TACC1: variants seen among roughly 807,000 people sequenced by gnomAD.
TACC1 encodes the protein transforming acidic coiled-coil containing protein 1.
In TACC1, 48 loss-of-function variants were observed where a neutral mutation model predicts 84.4. The ratio of observed to expected loss-of-function variants is 0.57; its 90% confidence interval spans 0.45 to 0.72. The LOEUF (loss-of-function observed/expected upper bound fraction) is 0.72. Among genes scored for constraint, TACC1 ranks in the 30% least tolerant of loss-of-function variants. TACC1 has a pLI of 0.00. For missense variants in TACC1, 920 were observed against 973.0 expected (o/e 0.95, Z 0.72); for synonymous variants, 372 against 376.3 (o/e 0.99, Z 0.13).
intron 2 of TACC1, chr8:38,742,574 T>C: frequency 2.8e-6 from 2 of 719,816 alleles, no homozygotes; most frequent in South Asian, 2.4e-5. Flanking sequence ...ATGAAGGAAA[T>C]AATGATCGAG....
intron 2 of TACC1, among the ~76,000 whole-genome samples, chr8:38,807,138 A>G (rs1822950377): frequency 6.6e-6 from 1 of 152,160 alleles, no homozygotes; most frequent in African/African-American, 2.4e-5. Context: ...TGCACATCTA[A>G]GCGTTTGCCA....
intron 2 of TACC1, among the ~76,000 whole-genome samples, chr8:38,818,688 C>G (rs1276419416): frequency 6.6e-6 from 1 of 151,514 alleles, no homozygotes; most frequent in African/African-American, 2.4e-5. Context: ...GTTTTTAGGT[C>G]TACAGAGAGA....
At chr8:38,734,837 C>G (rs1215261973) in intron 1 of TACC1, among the ~76,000 whole-genome samples, 3 of 152,368 alleles carry the variant, frequency 2.0e-5, no homozygotes, top group Admixed American at 6.5e-5. Flanking sequence ...GGCCTGCTGA[C>G]GCAGGCTGGC....
chr8:38,813,884 T>C (rs1824821648), intron 2 of TACC1, among the ~76,000 whole-genome samples: 1 of 152,192 alleles, frequency 6.6e-6, no homozygotes, highest in South Asian at 2.1e-4. Flanking sequence ...CAAATATGTA[T>C]ACATCATTGA....
intron 2 of TACC1, among the ~76,000 whole-genome samples, chr8:38,793,733 C>T (rs1819313310): frequency 6.6e-6 from 1 of 152,098 alleles, no homozygotes; most frequent in Non-Finnish European, 1.5e-5. Context: ...AGGTTTGAAC[C>T]ACCACTGTCA....
chr8:38,842,173 C>T (rs972259165), intron 9 of TACC1, 114 bp from the exon 10 acceptor site: 58 of 1,210,952 alleles, frequency 4.8e-5, no homozygotes, highest in East Asian at 3.3e-4. Flanking sequence ...GCCATAAGAG[C>T]GGGAATTTGG....
intron 3 of TACC1, among the ~76,000 whole-genome samples, chr8:38,762,703 T>C (rs185274615): frequency 8.0e-4 from 122 of 152,216 alleles, no homozygotes; most frequent in Non-Finnish European, 1.5e-3. Flanking sequence ...ATTACAGGCA[T>C]GCGTCACCAG....
chr8:38,789,611 G>A (rs1818173714), intron 2 of TACC1, among the ~76,000 whole-genome samples: 1 of 152,224 alleles, frequency 6.6e-6, no homozygotes, highest in South Asian at 2.1e-4. Context: ...TAGGGAATAT[G>A]GAGTGGGGAT....
intron 5 of TACC1, among the ~76,000 whole-genome samples, chr8:38,829,737 C>T (rs1189330105): frequency 6.6e-6 from 1 of 152,186 alleles, no homozygotes; most frequent in Non-Finnish European, 1.5e-5. Flanking sequence ...AGAGCTGGGG[C>T]CCTGTACATA....
intron 3 of TACC1, among the ~76,000 whole-genome samples, chr8:38,778,412 G>A (rs1413311336): frequency 6.6e-6 from 1 of 152,060 alleles, no homozygotes. Flanking sequence ...AAATATTTTT[G>A]TTTCCTCTAA....
At position 38,744,445 on chromosome 8, in the gene TACC1, G is replaced by A. The variant is rs534641533; in HGVS notation, c.-573-450G>A. ...ACTTCTATTTACATCCCATTGACTA[G>A]AACCTAGTTACTTGGCCAAACTTAG... On this transcript the variant is annotated intron_variant, in intron 2 of 14. Coordinates refer to the TACC1 transcript ENST00000518415. Among the ~76,000 whole-genome samples, 6 of 152,256 alleles carry A rather than the reference G, an allele frequency of 3.9e-5. No homozygotes were observed. The East Asian group carries it at 1.2e-3, about 29-fold the overall frequency.
chr8:38,781,597 T>C (rs1816004063), intron 3 of TACC1, among the ~76,000 whole-genome samples: 2 of 152,106 alleles, frequency 1.3e-5, no homozygotes, highest in Non-Finnish European at 1.5e-5. Flanking sequence ...GCCAGGCTGG[T>C]CTCGAACTCC....
intron 11 of TACC1, 44 bp from the exon 12 acceptor site, chr8:38,846,655 C>T: frequency 6.2e-7 from 1 of 1,610,560 alleles, no homozygotes; most frequent in Non-Finnish European, 8.5e-7. Context: ...AGTGGCTAAT[C>T]ATGTGCTTTT....
At chr8:38,808,514 G>C (rs1823293077) in intron 2 of TACC1, among the ~76,000 whole-genome samples, 1 of 152,228 alleles carries the variant, frequency 6.6e-6, no homozygotes, top group Non-Finnish European at 1.5e-5. Context: ...CTGGACTCAA[G>C]TGGTCCTCCC....
intron 2 of TACC1, among the ~76,000 whole-genome samples, chr8:38,805,016 A>G (rs970410261): frequency 1.3e-5 from 2 of 152,218 alleles, no homozygotes; most frequent in Admixed American, 6.5e-5. Context: ...CTATTTCCCT[A>G]TTTCTTGAGA....
intron 6 of TACC1, among the ~76,000 whole-genome samples, chr8:38,832,291 A>G (rs1266485433): frequency 6.6e-6 from 1 of 152,266 alleles, no homozygotes; most frequent in African/African-American, 2.4e-5. Flanking sequence ...GTTAGAATAC[A>G]CTGGTGTGGT....
chr8:38,809,161 A>G (rs1823471169), intron 2 of TACC1, among the ~76,000 whole-genome samples: 1 of 152,072 alleles, frequency 6.6e-6, no homozygotes, highest in South Asian at 2.1e-4. Context: ...TTTACAATGT[A>G]GCAGATAAGG....
intron 2 of TACC1, among the ~76,000 whole-genome samples, chr8:38,807,089 G>T (rs547922332): frequency 1.3e-5 from 2 of 152,198 alleles, no homozygotes. Context: ...TAAGGAGTGT[G>T]CAGAGCTTCC....
intron 1 of TACC1, among the ~76,000 whole-genome samples, chr8:38,740,624 T>C (rs1806875764): frequency 1.3e-5 from 2 of 152,220 alleles, no homozygotes; most frequent in African/African-American, 4.8e-5. Flanking sequence ...AAAAACTAAA[T>C]CTTTGTCTGA....
Sources: gnomAD v4.1 joint callset for allele counts (sites outside exome capture counted in the v4.1 genomes callset) on GRCh38, gnomAD v4.1.1 for gene constraint, MANE v1.5 for transcripts, NCBI Gene and HGNC (gene_info 2026-07-23, HGNC 2026-07-21) for gene names.